CSMD1: variants seen among roughly 807,000 people sequenced by gnomAD.
The protein encoded by CSMD1 is CUB and Sushi multiple domains 1, also known as CUB and sushi domain-containing protein 1.
Under a neutral mutation model 417.5 loss-of-function variants are expected in CSMD1, and 213 were observed. The ratio of observed to expected loss-of-function variants is 0.51; its 90% CI spans 0.46 to 0.57. CSMD1 has a LOEUF of 0.57. CSMD1 is among the 20% of genes least tolerant of loss of function. The pLI is 0.00. For missense variants in CSMD1, 6,923 were observed against 4,529.7 expected, an observed-to-expected ratio of 1.53 and a Z score of -15.17; for synonymous variants, 2,862 against 1,736.8, an observed-to-expected ratio of 1.65 and a Z score of -16.11.
intron 3 of CSMD1, among the ~76,000 whole-genome samples, chr8:4,236,055 T>TTTTTTTTTTTTTTGTTTTTG (rs1563316724): frequency 1.2e-5 from 1 of 83,750 alleles, no homozygotes; most frequent in Non-Finnish European, 2.6e-5. Context: ...TTTTTTTTTT[T>TTTTTTTTTTTTTTGTTTTTG]TTTTTTTTTT....
chr8:3,489,852 C>A (rs531015001), intron 11 of CSMD1, among the ~76,000 whole-genome samples: 4 of 152,276 alleles, frequency 2.6e-5, no homozygotes, highest in African/African-American at 9.6e-5. Flanking sequence ...TGGAAACCCA[C>A]AAAATATTGA....
intron 8 of CSMD1, among the ~76,000 whole-genome samples, chr8:3,593,983 T>G (rs945538327): frequency 6.6e-6 from 1 of 152,228 alleles, no homozygotes; most frequent in African/African-American, 2.4e-5. Context: ...GAAACGCTAT[T>G]AGAAAGACGA....
At chr8:3,230,979 TG>T (rs1402308544) in intron 26 of CSMD1, among the ~76,000 whole-genome samples, 1 of 152,134 alleles carries the variant, frequency 6.6e-6, no homozygotes, top group African/African-American at 2.4e-5. Context: ...TATCAGTTTC[TG>T]GTAATCATGT....
intron 10 of CSMD1, among the ~76,000 whole-genome samples, chr8:3,558,532 C>CAAT (rs1563152725): frequency 1.2e-5 from 1 of 81,592 alleles, no homozygotes; most frequent in Non-Finnish European, 2.7e-5. Flanking sequence ...ACTCCTCCAA[C>CAAT]GATGAACGGT....
intron 5 of CSMD1, among the ~76,000 whole-genome samples, chr8:3,971,147 T>C (rs1316727290): frequency 6.7e-6 from 1 of 148,292 alleles, no homozygotes; most frequent in Non-Finnish European, 1.5e-5. Context: ...TTAAATATTC[T>C]ATTTACGCTG....
At chr8:4,280,423 C>T (rs1217480800) in intron 3 of CSMD1, among the ~76,000 whole-genome samples, 2 of 152,146 alleles carry the variant, frequency 1.3e-5, no homozygotes, top group African/African-American at 2.4e-5. Context: ...AATTTTAGTA[C>T]CGAAATGTGC....
At chr8:4,712,427 T>C (rs1349435110) in intron 1 of CSMD1, among the ~76,000 whole-genome samples, 2 of 152,206 alleles carry the variant, frequency 1.3e-5, no homozygotes, top group East Asian at 3.9e-4. Context: ...GATGCAGGAC[T>C]ACCTACTCTT....
intron 5 of CSMD1, among the ~76,000 whole-genome samples, chr8:3,764,888 G>A (rs890042954): frequency 6.6e-6 from 1 of 151,748 alleles, no homozygotes; most frequent in Non-Finnish European, 1.5e-5. Flanking sequence ...TTGGGATTAA[G>A]GTGACTGCCA....
chr8:3,928,999 C>A (rs1425841283), intron 5 of CSMD1, among the ~76,000 whole-genome samples: 5 of 150,516 alleles, frequency 3.3e-5, no homozygotes, highest in African/African-American at 1.2e-4. Flanking sequence ...TATAAGAAAT[C>A]TTACCGATTT....
At chr8:3,539,199 T>C (rs553733199) in intron 10 of CSMD1, among the ~76,000 whole-genome samples, 16 of 152,276 alleles carry the variant, frequency 1.1e-4, no homozygotes, top group Admixed American at 9.8e-4. Context: ...AATTTAGGTC[T>C]GGAAGGATGT....
chr8:4,127,068 G>T (rs1647334), intron 3 of CSMD1, among the ~76,000 whole-genome samples: 2 of 137,854 alleles, frequency 1.5e-5, no homozygotes, highest in East Asian at 4.2e-4. Flanking sequence ...CCAAAAATCA[G>T]TCAATCTCCT....
intron 3 of CSMD1, among the ~76,000 whole-genome samples, chr8:4,305,947 C>T (rs771980638): frequency 1.9e-4 from 29 of 152,092 alleles, no homozygotes; most frequent in Non-Finnish European, 3.7e-4. Flanking sequence ...AACTGTATTG[C>T]AGGGTAACTT....
At chr8:4,443,797 G>T (rs768238800) in intron 2 of CSMD1, among the ~76,000 whole-genome samples, 19 of 152,154 alleles carry the variant, frequency 1.2e-4, no homozygotes, top group Non-Finnish European at 2.5e-4. Context: ...TCTGTGTCAT[G>T]TCCAGAAAAT....
intron 10 of CSMD1, among the ~76,000 whole-genome samples, chr8:3,499,429 T>TA (rs1219951287): frequency 6.6e-6 from 1 of 152,124 alleles, no homozygotes; most frequent in East Asian, 1.9e-4. Flanking sequence ...TGGCAGTGGT[T>TA]GGCCTCAGGT....
intron 5 of CSMD1, among the ~76,000 whole-genome samples, chr8:3,854,414 A>G (rs1442049766): frequency 6.6e-6 from 1 of 152,124 alleles, no homozygotes; most frequent in Non-Finnish European, 1.5e-5. Context: ...GTGACTTTTT[A>G]ATGCTACTGT....
intron 1 of CSMD1, among the ~76,000 whole-genome samples, chr8:4,667,989 A>T (rs938548557): frequency 6.6e-6 from 1 of 152,176 alleles, no homozygotes; most frequent in African/African-American, 2.4e-5. Flanking sequence ...AATCTACAAT[A>T]TTTTCGACTC....
chr8:3,580,542 T>A (rs1163419273), intron 9 of CSMD1, among the ~76,000 whole-genome samples: 1 of 152,154 alleles, frequency 6.6e-6, no homozygotes, highest in African/African-American at 2.4e-5. Context: ...GAGAGTAGTA[T>A]AAGATACAAA....
chr8:4,058,593 G>A (rs1380125908), intron 3 of CSMD1, among the ~76,000 whole-genome samples: 1 of 151,436 alleles, frequency 6.6e-6, no homozygotes, highest in East Asian at 1.9e-4. Flanking sequence ...AAGGATGGAG[G>A]AAGATCTACC....
chr8:4,581,072 A>G (rs1198148945), intron 2 of CSMD1, among the ~76,000 whole-genome samples: 8 of 152,330 alleles, frequency 5.3e-5, no homozygotes, highest in Admixed American at 3.3e-4. Flanking sequence ...ACTAGTTTAC[A>G]TGACTACATT....
Sources: gnomAD v4.1 joint callset for allele counts (sites outside exome capture counted in the v4.1 genomes callset) on GRCh38, gnomAD v4.1.1 for gene constraint, MANE v1.5 for transcripts, NCBI Gene and HGNC (gene_info 2026-07-23, HGNC 2026-07-21) for gene names.